Variants in TMEM183A observed in about 807,000 individuals in gnomAD.
TMEM183A encodes transmembrane protein 183A.
TMEM183A carries 21 observed loss-of-function variants against 46.7 expected under a neutral mutation model. The ratio of observed to expected loss-of-function variants is 0.45; its 90% CI spans 0.32 to 0.65. The LOEUF is 0.65. TMEM183A is among the 30% of genes least tolerant of loss of function. TMEM183A has a pLI of 0.04. For synonymous variants in TMEM183A, 165 were observed against 180.2 expected, an observed-to-expected ratio of 0.92 and a Z score of 0.68; for missense variants, 331 against 481.9, an observed-to-expected ratio of 0.69 and a Z score of 2.93.
intron 4 of TMEM183A, chr1:203,015,704 C>T (rs1049417787): frequency 1.9e-5 from 9 of 476,462 alleles, no homozygotes; most frequent in Middle Eastern, 5.8e-4. Context: ...CATAATATAC[C>T]GATACCAATT....
chr1:203,021,849 G>T (rs1401232411), intron 7 of TMEM183A, among the ~76,000 whole-genome samples: 2 of 152,158 alleles, frequency 1.3e-5, no homozygotes, highest in African/African-American at 4.8e-5. Flanking sequence ...AGAAATACAT[G>T]AGGTTCCCCT....
Position 203,024,360 on chromosome 1 carries a change from A to G in TMEM183A, c.*1320A>G, listed in dbSNP as rs1571631191. The G allele has an allele frequency of 6.6e-6, 1 of 151,666 alleles. No homozygotes were observed. Among genetic ancestry groups the G allele is most frequent in the Non-Finnish European group, 1.5e-5 (1 of 67,992 alleles). 9.4% of individuals were successfully genotyped at this position (151,666 alleles called of 1,614,324 possible). A position where few individuals can be genotyped will look rare whatever the true frequency, so the allele number is the denominator to read the frequency against. On this transcript the variant is annotated 3_prime_UTR_variant, in exon 8 of 8. Transcript: ENST00000367242. ...AACCTTGCTGCTTGTCTCTCCTCCC[A>G]CCCTCCACCATCCAAAATTAACCAG...
intron 3 of TMEM183A, among the ~76,000 whole-genome samples, chr1:203,010,032 G>T (rs1425017173): frequency 6.6e-6 from 1 of 151,874 alleles, no homozygotes; most frequent in African/African-American, 2.4e-5. Context: ...TACCAGGGAG[G>T]CTGAGGCAGG....
intron 3 of TMEM183A, 63 bp downstream of exon 3, chr1:203,008,873 C>G: frequency 1.4e-6 from 2 of 1,443,410 alleles, no homozygotes; most frequent in Non-Finnish European, 1.8e-6. Flanking sequence ...GAAGATGTTA[C>G]TTTCCCAGTA....
At chr1:203,016,897 A>G (rs12134231) in intron 5 of TMEM183A, among the ~76,000 whole-genome samples, 12,579 of 152,158 alleles carry the variant, frequency 0.083, 624 homozygotes, top group East Asian at 0.15. Flanking sequence ...TTGGCAAACA[A>G]GGTTACTCTG....
At position 203,007,591 on chromosome 1, in the gene TMEM183A, G is replaced by C; in HGVS notation, c.109+17G>C. ...CCGGCCGAGGTGGGCGAGGGGGGCA[G>C]GGGCGCTGAAACATTTTGGGGGCTG... On this transcript the variant is annotated intron_variant, in intron 1 of 7. Transcript: ENST00000367242. The C allele has an allele frequency of 6.5e-7, 1 of 1,540,276 alleles. No homozygotes were observed. Among genetic ancestry groups the C allele is most frequent in the Non-Finnish European group, 8.7e-7 (1 of 1,146,954 alleles).
chr1:203,018,357 T>G (rs1657360460), intron 5 of TMEM183A, 124 bp from the exon 6 acceptor site: 2 of 1,098,832 alleles, frequency 1.8e-6, no homozygotes, highest in African/African-American at 3.2e-5. Context: ...ATCTCAGCAT[T>G]GGGACCGTGG....
At position 203,022,921 on chromosome 1, in the gene TMEM183A, G is replaced by T; in HGVS notation, c.1012G>T (p.Val338Phe). 1 of 1,613,248 alleles carries T rather than the reference G, an allele frequency of 6.2e-7. No individual in the cohort carries two copies. The highest frequency in any genetic ancestry group is 8.5e-7 in the Non-Finnish European group (1 of 1,179,720). ...GAGACTGGTGTTCCAAGATTCCCCTGTCCATGGTGGTCGGAAACTGCGCAG... is the reference window on the plus strand; with the variant it reads ...GAGACTGGTGTTCCAAGATTCCCCTTTCCATGGTGGTCGGAAACTGCGCAG... ...RVRLVFQDSP[V>F]HGGRKLRSEQ... is the part of the protein sequence containing the mutation. The change falls in exon 8 of 8, where the codon GTC becomes TTC. Residue 338 changes from valine (V) to phenylalanine (F), a missense_variant. By Grantham distance (50) the Val-to-Phe change is conservative. This residue lies in a region of TMEM183A where 233 missense variants were observed against 385.8 expected (regional missense o/e 0.60). Transcript: ENST00000367242.
intron 4 of TMEM183A, 23 bp downstream of exon 4, chr1:203,015,071 CT>C (rs747229785): frequency 2.5e-6 from 4 of 1,607,140 alleles, no homozygotes; most frequent in Non-Finnish European, 2.5e-6. Flanking sequence ...AGAGCTCACT[CT>C]TTTATCTGTG....
At chr1:203,010,059 G>A (rs906056033) in intron 3 of TMEM183A, among the ~76,000 whole-genome samples, 12 of 151,982 alleles carry the variant, frequency 7.9e-5, no homozygotes, top group African/African-American at 2.9e-4. Flanking sequence ...GCTTGAACCT[G>A]GGAGGCGAAG....
chr1:203,023,053 A>G lies in TMEM183A; in HGVS notation c.*13A>G, dbSNP rs1045169889. The G allele has an allele frequency of 6.8e-6, 10 of 1,480,346 alleles. No individual in the cohort carries two copies. Among genetic ancestry groups the G allele is most frequent in the Non-Finnish European group, 9.2e-6 (10 of 1,088,342 alleles). 91.7% of individuals were successfully genotyped at this position (1,480,346 alleles called of 1,614,324 possible). ...CCTGAGAGCGTAGTTACTGCTTCCCATCCCTTGGGGGCAGCCTCGAGTGTA... is the reference window on the plus strand; with the variant it reads ...CCTGAGAGCGTAGTTACTGCTTCCCGTCCCTTGGGGGCAGCCTCGAGTGTA... On this transcript the variant is annotated 3_prime_UTR_variant, in exon 8 of 8. Coordinates refer to ENST00000367242, the MANE Select transcript of TMEM183A (RefSeq NM_138391.6).
At chr1:203,008,933 T>C in intron 3 of TMEM183A, 123 bp downstream of exon 3, 1 of 1,061,516 alleles carries the variant, frequency 9.4e-7, no homozygotes, top group South Asian at 2.6e-5. Context: ...AAAGAAAACT[T>C]GGCTCTCCCT....
At chr1:203,020,054 T>G (rs1657521381) in intron 6 of TMEM183A, among the ~76,000 whole-genome samples, 1 of 151,630 alleles carries the variant, frequency 6.6e-6, no homozygotes, top group Non-Finnish European at 1.5e-5. Flanking sequence ...TTTTCACTTG[T>G]CTCCTCTACT....
intron 2 of TMEM183A, 142 bp downstream of exon 2, chr1:203,008,005 G>A (rs1036128226): frequency 2.9e-5 from 29 of 1,009,230 alleles, no homozygotes; most frequent in Non-Finnish European, 4.0e-5. Flanking sequence ...TTGGGGTGGA[G>A]GAGGATTAGT....
At position 203,012,148 on chromosome 1, in the gene TMEM183A, TCACACACACA is replaced by T. The variant is rs767000280; in HGVS notation, c.368-2713_368-2704del. On this transcript the variant is annotated intron_variant, in intron 3 of 7. Transcript: ENST00000367242. ...ACTTCAACCATTACCCCCCACTCCA[TCACACACACA>T]CACACACACACACACACACACACAC... Among the ~76,000 whole-genome samples the T allele has an allele frequency of 4.4e-3, 350 of 79,464 alleles. 6 individuals are homozygous for T. Among genetic ancestry groups the T allele is most frequent in the African/African-American group, 0.016 (322 of 20,086 alleles). 52.1% of individuals were successfully genotyped at this position (79,464 alleles called of 152,430 possible).
intron 6 of TMEM183A, 42 bp from the exon 7 acceptor site, chr1:203,020,751 T>C: frequency 6.2e-7 from 1 of 1,612,806 alleles, no homozygotes; most frequent in Non-Finnish European, 8.5e-7. Flanking sequence ...AGCCATATAA[T>C]GTTTCTTCTA....
intron 7 of TMEM183A, 69 bp from the exon 8 acceptor site, chr1:203,022,786 C>T: frequency 6.3e-7 from 1 of 1,598,688 alleles, no homozygotes; most frequent in South Asian, 1.1e-5. Flanking sequence ...TGGACTATTT[C>T]ATTTCAGAGT....
chr1:203,020,705 A>T, intron 6 of TMEM183A, 88 bp from the exon 7 acceptor site: 1 of 1,516,564 alleles, frequency 6.6e-7, no homozygotes, highest in Non-Finnish European at 9.1e-7. Flanking sequence ...CACTAGCTTT[A>T]GTTGAGCCAT....
Position 203,023,083 on chromosome 1 carries a change from A to G in TMEM183A, c.*43A>G. ...TTGGGGGCAGCCTCGAGTGTAGTCC[A>G]TTAGTAATCAGATTCCAGTTTGGAC... is the stretch of plus-strand genomic sequence containing the variant. On this transcript the variant is annotated 3_prime_UTR_variant, in exon 8 of 8. Coordinates refer to ENST00000367242, the MANE Select transcript of TMEM183A (RefSeq NM_138391.6). 8.6e-7 allele frequency: 1 copy of G among 1,157,872 alleles called. No homozygotes were observed. Among genetic ancestry groups the G allele is most frequent in the Middle Eastern group, 2.5e-4 (1 of 3,932 alleles). The allele number at this position is 1,157,872 out of a possible 1,614,324, so 71.7% of individuals were successfully genotyped here.
Sources: gnomAD v4.1 joint callset for allele counts (sites outside exome capture counted in the v4.1 genomes callset) on GRCh38, gnomAD v4.1.1 for gene constraint, gnomAD v4.1.1 regional missense constraint, MANE v1.5 for transcripts, NCBI Gene and HGNC (gene_info 2026-07-23, HGNC 2026-07-21) for gene names.